The following SLC13A2 variants were observed in gnomAD, a reference collection of about 807,000 sequenced individuals.
SLC13A2 encodes the protein solute carrier family 13 member 2, also known as Na(+)-coupled citrate transporter.
In SLC13A2, 40 loss-of-function variants were observed where a neutral mutation model predicts 58.5. The observed-to-expected ratio is 0.68, with a 90% CI of 0.53 to 0.89. The LOEUF (loss-of-function observed/expected upper bound fraction) is 0.89, where lower values mean the gene tolerates loss of function less well. Among genes scored for constraint, SLC13A2 ranks in the 40% least tolerant of loss-of-function variants. SLC13A2 has a pLI of 0.00. For missense variants in SLC13A2, 694 were observed against 772.6 expected (o/e 0.90, Z 1.21); for synonymous variants, 341 against 331.6 (o/e 1.03, Z -0.31).
intron 1 of SLC13A2, among the ~76,000 whole-genome samples, chr17:28,477,602 A>G (rs1239392595): frequency 3.3e-5 from 5 of 152,190 alleles, no homozygotes. Flanking sequence ...GCTTAGCCCC[A>G]TGGCCCTGGC....
At chr17:28,492,750 A>G (rs946562966) in intron 6 of SLC13A2, among the ~76,000 whole-genome samples, 13 of 152,256 alleles carry the variant, frequency 8.5e-5, no homozygotes, top group African/African-American at 3.1e-4. Flanking sequence ...AGGCTCAGTT[A>G]GTATCAAGTC....
intron 1 of SLC13A2, among the ~76,000 whole-genome samples, chr17:28,475,788 C>T (rs1351902849): frequency 2.0e-5 from 3 of 152,144 alleles, no homozygotes; most frequent in African/African-American, 4.8e-5. Flanking sequence ...CCCAGCCCTG[C>T]CCCTTCCCAC....
At chr17:28,478,528 G>A (rs1184473878) in intron 1 of SLC13A2, among the ~76,000 whole-genome samples, 1 of 152,202 alleles carries the variant, frequency 6.6e-6, no homozygotes, top group Admixed American at 6.5e-5. Context: ...CATTTGAGTT[G>A]GGCCTTGAAG....
intron 1 of SLC13A2, among the ~76,000 whole-genome samples, chr17:28,480,020 G>A (rs2068756897): frequency 6.6e-6 from 1 of 152,190 alleles, no homozygotes; most frequent in South Asian, 2.1e-4. Flanking sequence ...TGGGCGTGGT[G>A]GCACATGCCT....
chr17:28,497,271 C>T lies in SLC13A2; in HGVS notation c.*2C>T, dbSNP rs1567862776. ...AACACCACCACACCAAGCCCCTAGG[C>T]TGGGGCACAGCCTGGCCATGCCCAG... On this transcript the variant is annotated 3_prime_UTR_variant, in exon 12 of 12. Coordinates refer to ENST00000314669, the MANE Select transcript of SLC13A2 (RefSeq NM_003984.4). The T allele has an allele frequency of 6.2e-7, 1 of 1,612,194 alleles. No homozygotes were observed.
In SLC13A2 at chr17:28,488,910, C is replaced by T. The variant is rs543675053; in HGVS notation, c.103-304C>T. On this transcript the variant is annotated intron_variant, in intron 1 of 11. Transcript: ENST00000314669. ...AGCCCCCATCTCATCTTGGGATCCT[C>T]AGCTGGGCCCCTGCAATCCCACTGG... 3.1e-4 allele frequency among the ~76,000 whole-genome samples: 47 copies of T among 152,350 alleles called. 2 individuals are homozygous for T. In the East Asian group the frequency reaches 4.1e-3, roughly 13 times the overall value.
chr17:28,495,640 C>A lies in SLC13A2; in HGVS notation c.1309-15C>A. The A allele has an allele frequency of 6.2e-7, 1 of 1,603,050 alleles. No homozygotes were observed. The highest frequency in any genetic ancestry group is 1.7e-5 in the Admixed American group (1 of 59,774). ...GCAGCCTTGCCTCTCACATGCCATC[C>A]TCCTCTGCCCACAGCGATCGGGCCT... On this transcript the variant is annotated splice_polypyrimidine_tract_variant and intron_variant, in intron 9 of 11. Coordinates refer to ENST00000314669, the MANE Select transcript of SLC13A2 (RefSeq NM_003984.4).
chr17:28,489,184 A>G (rs782625014), intron 1 of SLC13A2, 30 bp from the exon 2 acceptor site: 9 of 1,609,456 alleles, frequency 5.6e-6, no homozygotes, highest in Non-Finnish European at 7.6e-6. Flanking sequence ...AGGCCCTCTG[A>G]CAGCTCTGCC....
At chr17:28,485,039 C>A (rs1597877818) in intron 1 of SLC13A2, among the ~76,000 whole-genome samples, 1 of 152,180 alleles carries the variant, frequency 6.6e-6, no homozygotes, top group Admixed American at 6.5e-5. Context: ...AAAGAGGCTA[C>A]GCCCCCGTCC....
At chr17:28,477,362 T>A (rs1200199696) in intron 1 of SLC13A2, among the ~76,000 whole-genome samples, 1 of 145,870 alleles carries the variant, frequency 6.9e-6, no homozygotes, top group East Asian at 2.0e-4. Context: ...CCCGGCTAAT[T>A]TTTTTGTATT....
intron 1 of SLC13A2, among the ~76,000 whole-genome samples, chr17:28,480,419 A>G (rs1395207521): frequency 6.6e-6 from 1 of 152,188 alleles, no homozygotes; most frequent in Non-Finnish European, 1.5e-5. Flanking sequence ...CACTTCGGGC[A>G]TGAAAACTAT....
Position 28,490,736 on chromosome 17 carries a change from T to A in SLC13A2, c.404T>A (p.Leu135Gln). Residue 135 changes from leucine to glutamine, a missense_variant, in exon 4 of 12, where the codon CTG (leucine) becomes CAG (glutamine). Coordinates refer to ENST00000314669, the MANE Select transcript of SLC13A2 (RefSeq NM_003984.4). ...GGCTTCATGCTGGTCACGGCCTTCCTGTCCATGTGGATCAGCAACACGGCC... is the reference window on the plus strand; with the variant it reads ...GGCTTCATGCTGGTCACGGCCTTCCAGTCCATGTGGATCAGCAACACGGCC... ...ILGFMLVTAFLSMWISNTATS... is the reference protein window; with the variant it reads ...ILGFMLVTAFQSMWISNTATS... The A allele has an allele frequency of 6.2e-7, 1 of 1,614,160 alleles. No individual in the cohort carries two copies. Among genetic ancestry groups the A allele is most frequent in the Non-Finnish European group, 8.5e-7 (1 of 1,179,996 alleles).
chr17:28,482,567 G>C (rs1567848111), intron 1 of SLC13A2, among the ~76,000 whole-genome samples: 1 of 152,172 alleles, frequency 6.6e-6, no homozygotes, highest in African/African-American at 2.4e-5. Flanking sequence ...GGTAGTATCT[G>C]TGTAATATTT....
chr17:28,479,026 T>C (rs1371668580), intron 1 of SLC13A2, among the ~76,000 whole-genome samples: 1 of 152,034 alleles, frequency 6.6e-6, no homozygotes, highest in Non-Finnish European at 1.5e-5. Context: ...AAGACCAGCC[T>C]GGGCAACATG....
Position 28,491,737 on chromosome 17 carries a change from C to T in SLC13A2, c.763C>T (p.Pro255Ser). The T allele has an allele frequency of 6.2e-7, 1 of 1,614,130 alleles. No individual in the cohort carries two copies. Among genetic ancestry groups the T allele is most frequent in the Non-Finnish European group, 8.5e-7 (1 of 1,179,996 alleles). ...CCCATGTTCCTCCTTCAGGCTCTTC[C>T]CCCAAAACGGCAACGTGGTGAACTT... The part of the protein sequence containing the change: ...VLQGQINSLF[P>S]QNGNVVNFAS... The change falls in exon 6 of 12, where the codon CCC (proline) becomes TCC (serine). Residue 255 changes from proline (P) to serine (S), a missense_variant. Pro to Ser is a moderately conservative substitution (Grantham distance 74, BLOSUM62 -1). Coordinates refer to ENST00000314669, the MANE Select transcript of SLC13A2 (RefSeq NM_003984.4).
intron 1 of SLC13A2, among the ~76,000 whole-genome samples, chr17:28,483,670 C>T (rs937195120): frequency 7.2e-5 from 11 of 152,106 alleles, no homozygotes; most frequent in Admixed American, 3.9e-4. Flanking sequence ...AACCTTATTC[C>T]TACATTTGTT....
chr17:28,490,628 C>G (rs369159588), intron 3 of SLC13A2, 38 bp downstream of exon 3: 1 of 1,587,714 alleles, frequency 6.3e-7, no homozygotes, highest in Non-Finnish European at 8.6e-7. Flanking sequence ...GAGAACCTGA[C>G]GAGGAGATAT....
chr17:28,481,534 G>T (rs1362920411), intron 1 of SLC13A2, among the ~76,000 whole-genome samples: 1 of 152,202 alleles, frequency 6.6e-6, no homozygotes, highest in Non-Finnish European at 1.5e-5. Flanking sequence ...CAGGTGACTG[G>T]TTAGGGGAGC....
chr17:28,489,458 G>A (rs2068958210), intron 2 of SLC13A2, 116 bp downstream of exon 2: 1 of 1,246,606 alleles, frequency 8.0e-7, no homozygotes, highest in Non-Finnish European at 1.1e-6. Flanking sequence ...ATGGATTAGG[G>A]GTTCCTGACT....
Sources: allele counts gnomAD v4.1 joint callset (sites outside exome capture counted in the v4.1 genomes callset), GRCh38; gene constraint gnomAD v4.1.1; transcripts MANE v1.5; gene names NCBI Gene and HGNC (gene_info 2026-07-23, HGNC 2026-07-21).